Variants in SLIT3 observed in about 807,000 individuals in gnomAD.
The protein encoded by SLIT3 is slit guidance ligand 3.
Under a neutral mutation model 184.0 loss-of-function variants are expected in SLIT3, and 68 were observed. That is an observed-to-expected ratio of 0.37 (90% CI 0.30 to 0.45). SLIT3 has a LOEUF of 0.45. Among genes scored for constraint, SLIT3 ranks in the 20% least tolerant of loss-of-function variants. The pLI is 1.00. For synonymous variants in SLIT3, 831 were observed against 828.6 expected, an observed-to-expected ratio of 1.00 and a Z score of -0.05; for missense variants, 1,707 against 2,026.0, an observed-to-expected ratio of 0.84 and a Z score of 3.02.
At chr5:168,788,714 A>C (rs1756250115) in intron 11 of SLIT3, among the ~76,000 whole-genome samples, 1 of 151,984 alleles carries the variant, frequency 6.6e-6, no homozygotes, top group Non-Finnish European at 1.5e-5. Flanking sequence ...TGAGTTCTTC[A>C]GCTGTAAAAA....
chr5:168,866,827 A>G (rs1206338062), intron 5 of SLIT3, among the ~76,000 whole-genome samples: 1 of 152,226 alleles, frequency 6.6e-6, no homozygotes, highest in African/African-American at 2.4e-5. Flanking sequence ...AATAATAATT[A>G]ACATTTGAAG....
At chr5:169,178,002 A>G (rs1449101574) in intron 4 of SLIT3, among the ~76,000 whole-genome samples, 1 of 152,146 alleles carries the variant, frequency 6.6e-6, no homozygotes, top group Non-Finnish European at 1.5e-5. Flanking sequence ...CTTGAGAAAA[A>G]AAGTACATCA....
At chr5:168,749,399 G>T in intron 19 of SLIT3, 73 bp downstream of exon 19, 1 of 1,551,066 alleles carries the variant, frequency 6.4e-7, no homozygotes, top group Non-Finnish European at 8.8e-7. Context: ...GGGAGTATCT[G>T]ATTGTGCATC....
At chr5:168,975,134 G>A (rs959669188) in intron 4 of SLIT3, among the ~76,000 whole-genome samples, 8 of 152,130 alleles carry the variant, frequency 5.3e-5, no homozygotes, top group Non-Finnish European at 1.2e-4. Context: ...TGGACATGGT[G>A]CCTTCCTATA....
intron 4 of SLIT3, among the ~76,000 whole-genome samples, chr5:168,986,101 T>C (rs1438959638): frequency 6.6e-6 from 1 of 152,212 alleles, no homozygotes; most frequent in African/African-American, 2.4e-5. Flanking sequence ...TCAAAAGGCA[T>C]ATGCATTCAG....
chr5:169,141,356 T>C (rs1333247804), intron 4 of SLIT3, among the ~76,000 whole-genome samples: 3 of 152,230 alleles, frequency 2.0e-5, no homozygotes, highest in South Asian at 2.1e-4. Context: ...CACCTCCCCA[T>C]CTTTGAAAAG....
chr5:169,187,887 G>T (rs1272390364), intron 4 of SLIT3, among the ~76,000 whole-genome samples: 1 of 150,390 alleles, frequency 6.6e-6, no homozygotes, highest in East Asian at 1.9e-4. Context: ...AAAAAAAGTT[G>T]TGAACCCATG....
intron 4 of SLIT3, among the ~76,000 whole-genome samples, chr5:169,017,199 C>T (rs1254501355): frequency 6.6e-6 from 1 of 152,176 alleles, no homozygotes; most frequent in African/African-American, 2.4e-5. Flanking sequence ...GTGGCATAGA[C>T]AGACCTTTAA....
At chr5:169,164,266 A>G (rs1187562228) in intron 4 of SLIT3, among the ~76,000 whole-genome samples, 1 of 152,172 alleles carries the variant, frequency 6.6e-6, no homozygotes, top group Admixed American at 6.5e-5. Context: ...GGAAAATGGG[A>G]TCTTAAATAT....
intron 31 of SLIT3, among the ~76,000 whole-genome samples, chr5:168,684,545 C>A (rs1372997800): frequency 6.6e-6 from 1 of 152,106 alleles, no homozygotes; most frequent in East Asian, 1.9e-4. Flanking sequence ...TCTTGGCTCA[C>A]CGCAGCCTCC....
At chr5:169,102,154 C>T (rs930686258) in intron 4 of SLIT3, among the ~76,000 whole-genome samples, 4 of 152,196 alleles carry the variant, frequency 2.6e-5, no homozygotes, top group African/African-American at 9.7e-5. Context: ...GAAAGTTATG[C>T]CATTGCCTGT....
chr5:169,268,694 C>T (rs550177079), intron 1 of SLIT3, among the ~76,000 whole-genome samples: 1 of 152,208 alleles, frequency 6.6e-6, no homozygotes, highest in Non-Finnish European at 1.5e-5. Context: ...GCAAACCACC[C>T]TTATCTGCAA....
intron 5 of SLIT3, among the ~76,000 whole-genome samples, chr5:168,861,281 A>T (rs57062233): frequency 0.011 from 1,623 of 147,076 alleles, 34 homozygotes; most frequent in African/African-American, 0.039. Flanking sequence ...GACAGGCCCC[A>T]GTGTGTGATG....
chr5:169,210,276 A>C (rs1764217183), intron 3 of SLIT3, among the ~76,000 whole-genome samples: 1 of 152,228 alleles, frequency 6.6e-6, no homozygotes. Flanking sequence ...TCCAAAATGC[A>C]GTTGTCCAAT....
At chr5:169,272,482 C>A (rs1356359116) in intron 1 of SLIT3, among the ~76,000 whole-genome samples, 2 of 152,214 alleles carry the variant, frequency 1.3e-5, no homozygotes, top group Non-Finnish European at 2.9e-5. Flanking sequence ...TCCAACCTAG[C>A]GTAAAAGCTC....
chr5:168,837,637 A>G lies in SLIT3; in HGVS notation c.557+6947T>C, dbSNP rs565785632. On this transcript the variant is annotated intron_variant, in intron 6 of 35. Transcript: ENST00000519560. ...GCTTCAATTCAGTTAATTAATTTCA[A>G]CTCGATTTGGTTCCACATACTTTAA... Among the ~76,000 whole-genome samples, 3 of 152,228 alleles carry G rather than the reference A, an allele frequency of 2.0e-5. No homozygotes were observed. The East Asian group carries it at 5.8e-4, about 29-fold the overall frequency.
intron 20 of SLIT3, among the ~76,000 whole-genome samples, chr5:168,728,755 C>CA (rs1156800817): frequency 2.6e-5 from 4 of 151,574 alleles, no homozygotes; most frequent in African/African-American, 9.7e-5. Context: ...CCTGTATTTA[C>CA]AAAAAATAAA....
chr5:169,277,242 CT>C (rs887575437), intron 1 of SLIT3, among the ~76,000 whole-genome samples: 4 of 151,468 alleles, frequency 2.6e-5, no homozygotes, highest in African/African-American at 9.7e-5. Context: ...TTCTTTTCTT[CT>C]TTTTTGAGAC....
intron 3 of SLIT3, among the ~76,000 whole-genome samples, chr5:169,213,270 C>T (rs1298812343): frequency 7.5e-6 from 1 of 133,802 alleles, no homozygotes; most frequent in African/African-American, 2.9e-5. Flanking sequence ...TGTGAAGGCC[C>T]TCTTCAAGGA....
Sources: gnomAD v4.1 joint callset for allele counts (sites outside exome capture counted in the v4.1 genomes callset) on GRCh38, gnomAD v4.1.1 for gene constraint, MANE v1.5 for transcripts, NCBI Gene and HGNC (gene_info 2026-07-23, HGNC 2026-07-21) for gene names.